The following PCDH15 variants were observed in gnomAD, a reference collection of about 807,000 sequenced individuals.
The protein encoded by PCDH15 is protocadherin related 15, also known as protocadherin-15.
Under a neutral mutation model 178.5 loss-of-function variants are expected in PCDH15, and 129 were observed. The ratio of observed to expected loss-of-function variants is 0.72; its 90% CI spans 0.63 to 0.84. The LOEUF is 0.84. PCDH15 is among the 40% of genes least tolerant of loss of function. PCDH15 has a pLI of 0.00. For synonymous variants in PCDH15, 800 were observed against 732.0 expected, an observed-to-expected ratio of 1.09 and a Z score of -1.50; for missense variants, 2,230 against 2,099.9, an observed-to-expected ratio of 1.06 and a Z score of -1.21.
chr10:55,302,120 T>A (rs551044788), intron 1 of PCDH15, among the ~76,000 whole-genome samples: 1 of 152,314 alleles, frequency 6.6e-6, no homozygotes, highest in African/African-American at 2.4e-5. Flanking sequence ...TGATAGGAAT[T>A]TTATCAAACC....
chr10:54,517,280 G>T (rs1565480017), intron 3 of PCDH15, among the ~76,000 whole-genome samples: 1 of 152,108 alleles, frequency 6.6e-6, no homozygotes, highest in Non-Finnish European at 1.5e-5. Context: ...TGGATAAAGA[G>T]TCAAGACCCA....
At chr10:55,102,421 A>G (rs190649683) in intron 2 of PCDH15, among the ~76,000 whole-genome samples, 1 of 151,938 alleles carries the variant, frequency 6.6e-6, no homozygotes, top group East Asian at 1.9e-4. Flanking sequence ...CCCTATATAT[A>G]CTCTGTTTTT....
chr10:54,420,435 GAAC>G (rs1955088739), intron 3 of PCDH15, among the ~76,000 whole-genome samples: 1 of 152,000 alleles, frequency 6.6e-6, no homozygotes. Flanking sequence ...GATGATTGAG[GAAC>G]AACAACAACA....
intron 2 of PCDH15, among the ~76,000 whole-genome samples, chr10:55,619,959 C>T (rs1204272872): frequency 1.3e-5 from 2 of 152,026 alleles, no homozygotes; most frequent in African/African-American, 2.4e-5. Flanking sequence ...AACCTATAGT[C>T]TTTCTTTTCC....
chr10:54,109,516 T>C (rs1401196445), intron 15 of PCDH15, among the ~76,000 whole-genome samples: 1 of 152,202 alleles, frequency 6.6e-6, no homozygotes, highest in Non-Finnish European at 1.5e-5. Flanking sequence ...TCTGTCATTT[T>C]CAAAAACATG....
chr10:55,333,226 T>C (rs765697331), intron 2 of PCDH15, among the ~76,000 whole-genome samples: 26 of 152,068 alleles, frequency 1.7e-4, no homozygotes, highest in Non-Finnish European at 3.2e-4. Flanking sequence ...CCCAGCACCA[T>C]AGAATAAATA....
chr10:54,701,433 G>A (rs528606221), intron 1 of PCDH15, among the ~76,000 whole-genome samples: 1 of 152,112 alleles, frequency 6.6e-6, no homozygotes, highest in Non-Finnish European at 1.5e-5. Context: ...CATGATTAAA[G>A]GATCATATCT....
At chr10:54,856,618 T>A (rs1953747022) in intron 3 of PCDH15, among the ~76,000 whole-genome samples, 1 of 152,196 alleles carries the variant, frequency 6.6e-6, no homozygotes, top group African/African-American at 2.4e-5. Flanking sequence ...CTGATCTCTA[T>A]GTATTGACTT....
At chr10:54,692,704 T>TCCCTGATTGAGTAACTCCAAACAA (rs1565956091) in intron 1 of PCDH15, among the ~76,000 whole-genome samples, 1 of 152,120 alleles carries the variant, frequency 6.6e-6, no homozygotes, top group Non-Finnish European at 1.5e-5. Flanking sequence ...ACTCCAAACA[T>TCCCTGATTGAGTAACTCCAAACAA]CCCTGATTGA....
In PCDH15 at chr10:54,315,254, A is replaced by G. The variant is rs2061170437; in HGVS notation, c.876+2017T>C. Among the ~76,000 whole-genome samples the G allele has an allele frequency of 2.0e-5, 3 of 152,098 alleles. No homozygotes were observed. In the South Asian group the frequency reaches 6.2e-4, roughly 32 times the overall value. On this transcript the variant is annotated intron_variant, in intron 8 of 37. Coordinates refer to ENST00000644397, the MANE Select transcript of PCDH15 (RefSeq NM_001384140.1). ...TTGACTGACTGTGCAATGGTTTCTC[A>G]TTGTGGTTTTGATTTGCATTTCTCT...
At chr10:54,026,814 C>A (rs1256710933) in intron 18 of PCDH15, among the ~76,000 whole-genome samples, 1 of 152,124 alleles carries the variant, frequency 6.6e-6, no homozygotes, top group Non-Finnish European at 1.5e-5. Flanking sequence ...CTATCTATGA[C>A]AAACCCACAG....
intron 10 of PCDH15, among the ~76,000 whole-genome samples, chr10:54,206,193 C>A (rs553976288): frequency 2.0e-5 from 3 of 152,162 alleles, no homozygotes; most frequent in African/African-American, 7.2e-5. Context: ...TGATAAAAAT[C>A]TTTCTTTTTG....
chr10:54,075,328 G>T (rs763267250), intron 17 of PCDH15, among the ~76,000 whole-genome samples: 39 of 152,102 alleles, frequency 2.6e-4, no homozygotes, highest in Non-Finnish European at 4.7e-4. Context: ...AGTGAGCCGA[G>T]ATCGCGCCAC....
intron 2 of PCDH15, among the ~76,000 whole-genome samples, chr10:55,589,081 C>T (rs1310849417): frequency 1.2e-5 from 1 of 81,172 alleles, no homozygotes; most frequent in Non-Finnish European, 2.5e-5. Context: ...AATTCCGTGT[C>T]AAAAAAAAAA....
intron 2 of PCDH15, among the ~76,000 whole-genome samples, chr10:55,423,109 C>T (rs1300620799): frequency 6.6e-6 from 1 of 151,858 alleles, no homozygotes; most frequent in East Asian, 1.9e-4. Context: ...AAAGAAGATA[C>T]ATTGTTTCCT....
intron 2 of PCDH15, among the ~76,000 whole-genome samples, chr10:55,609,271 C>A (rs562449338): frequency 1.3e-5 from 2 of 152,236 alleles, no homozygotes; most frequent in East Asian, 1.9e-4. Context: ...AACCACACTA[C>A]ACCAGATGAC....
intron 10 of PCDH15, among the ~76,000 whole-genome samples, chr10:54,208,682 T>C (rs1340389787): frequency 6.6e-6 from 1 of 152,040 alleles, no homozygotes; most frequent in East Asian, 1.9e-4. Flanking sequence ...CAGTCTTTTG[T>C]ACTTTGTTAG....
At chr10:54,043,115 G>A (rs932474862) in intron 18 of PCDH15, among the ~76,000 whole-genome samples, 1 of 152,068 alleles carries the variant, frequency 6.6e-6, no homozygotes, top group African/African-American at 2.4e-5. Flanking sequence ...GGGGGAATGG[G>A]GAGCCTGGTT....
At position 53,938,928 on chromosome 10, in the gene PCDH15, C is replaced by A; in HGVS notation, c.3260G>T (p.Gly1087Val). The change falls in exon 25 of 38, where the codon GGT becomes GTT. Residue 1087 changes from glycine to valine, a missense_variant. Physicochemically the swap from Gly to Val is moderately radical, Grantham distance 109 (BLOSUM62 -3). Transcript: ENST00000644397. ...EDTFGINNIT[G>V]VIYVNGPLDY... ...CAGAGGTCCATTCACATAGATAACA[C>A]CTGTGATGTTATTAATTCCAAATGT... 2 of 1,612,372 alleles carry A rather than the reference C, an allele frequency of 1.2e-6. No individual in the cohort carries two copies. The highest frequency in any genetic ancestry group is 2.2e-5 in the East Asian group (1 of 44,838).
Sources: allele counts gnomAD v4.1 joint callset (sites outside exome capture counted in the v4.1 genomes callset), GRCh38; gene constraint gnomAD v4.1.1; transcripts MANE v1.5; gene names NCBI Gene and HGNC (gene_info 2026-07-23, HGNC 2026-07-21).